The following RPH3AL variants were observed in gnomAD, a reference collection of about 807,000 sequenced individuals.
The protein encoded by RPH3AL is rab effector Noc2.
RPH3AL carries 38 observed loss-of-function variants against 43.1 expected under a neutral mutation model. The observed-to-expected ratio is 0.88, with a 90% confidence interval of 0.68 to 1.15. The LOEUF (loss-of-function observed/expected upper bound fraction) is 1.15. Among genes scored for constraint, RPH3AL ranks in the 50% most tolerant of loss-of-function variants. RPH3AL has a pLI of 0.00. For missense variants in RPH3AL, 462 were observed against 423.2 expected (o/e 1.09, Z -0.81); for synonymous variants, 189 against 176.3 (o/e 1.07, Z -0.57).
rs147783073 is a variant in RPH3AL, at chr17:224,256, C to T, written c.614-4520G>A. The stretch of plus-strand genomic sequence containing the variant: ...CCCAGCTTCACCCTCTTTAAAGGTT[C>T]CCCATGCCCCCAGGACCACACTGGG... On this transcript the variant is annotated intron_variant, in intron 7 of 9. Transcript: ENST00000331302. Among the ~76,000 whole-genome samples, 6 of 143,668 alleles carry T rather than the reference C, an allele frequency of 4.2e-5. No homozygotes were observed. In the South Asian group the frequency reaches 1.0e-3, roughly 25 times the overall value. The allele number at this position is 143,668 out of a possible 152,430, so 94.3% of individuals were successfully genotyped here. A position where few individuals can be genotyped will look rare whatever the true frequency, so the allele number is the denominator to read the frequency against.
intron 3 of RPH3AL, among the ~76,000 whole-genome samples, chr17:325,841 G>T (rs187115350): frequency 6.6e-6 from 1 of 152,270 alleles, no homozygotes; most frequent in African/African-American, 2.4e-5. Context: ...TATCCCTGAG[G>T]GTCCCACGGG....
At chr17:255,969 A>G (rs1376991251) in intron 6 of RPH3AL, among the ~76,000 whole-genome samples, 36 of 44,506 alleles carry the variant, frequency 8.1e-4, no homozygotes, top group Admixed American at 1.6e-3. Context: ...TACCCTACGT[A>G]CTTCCTATGA....
chr17:258,757 G>GTTTTTTTTTTTTTTTTTTTTTTTTTTT (rs372761475), intron 6 of RPH3AL, among the ~76,000 whole-genome samples: 1 of 98,770 alleles, frequency 1.0e-5, no homozygotes, highest in Non-Finnish European at 2.1e-5. Context: ...TAGTCAACCC[G>GTTTTTTTTTTTTTTTTTTTTTTTTTTT]TTTTTTTTTT....
At chr17:321,729 C>T (rs1388754818) in intron 3 of RPH3AL, 14 of 334,288 alleles carry the variant, frequency 4.2e-5, no homozygotes, top group Middle Eastern at 7.8e-4. Context: ...GCCCAGGTGC[C>T]GTGTGCAGGG....
intron 5 of RPH3AL, among the ~76,000 whole-genome samples, chr17:311,669 G>A (rs563517598): frequency 2.0e-5 from 3 of 152,334 alleles, no homozygotes; most frequent in East Asian, 1.9e-4. Context: ...TACGAGTAAC[G>A]AGACAATTAT....
intron 4 of RPH3AL, 26 bp downstream of exon 4, chr17:321,246 C>G (rs906232280): frequency 5.0e-6 from 8 of 1,596,502 alleles, no homozygotes; most frequent in Middle Eastern, 1.7e-4. Context: ...TGTCCTCCCA[C>G]TGAGCTGGCC....
intron 6 of RPH3AL, among the ~76,000 whole-genome samples, chr17:272,958 ACG>A (rs2042520230): frequency 4.1e-4 from 17 of 41,456 alleles, no homozygotes; most frequent in Admixed American, 2.4e-3. Context: ...AGCAAGGGCT[ACG>A]TCAGGGTGAG....
chr17:238,868 C>T (rs886959024), intron 7 of RPH3AL, among the ~76,000 whole-genome samples: 3 of 152,218 alleles, frequency 2.0e-5, no homozygotes, highest in Admixed American at 2.0e-4. Context: ...CCGCCATTTA[C>T]ACCTCATATA....
intron 7 of RPH3AL, among the ~76,000 whole-genome samples, chr17:228,700 C>T (rs1403564260): frequency 2.6e-5 from 4 of 152,158 alleles, no homozygotes; most frequent in African/African-American, 9.7e-5. Flanking sequence ...TTGCCAGACA[C>T]CCCGCTTTTC....
intron 1 of RPH3AL, among the ~76,000 whole-genome samples, chr17:345,541 C>T (rs562600351): frequency 3.0e-5 from 4 of 134,986 alleles, no homozygotes; most frequent in African/African-American, 1.0e-4. Flanking sequence ...CCAGGACTGG[C>T]TAGAGAACTG....
chr17:243,018 A>G (rs2041610063), intron 7 of RPH3AL, among the ~76,000 whole-genome samples: 1 of 118,998 alleles, frequency 8.4e-6, no homozygotes, highest in South Asian at 3.1e-4. Flanking sequence ...TCCTCTATTG[A>G]ATACCTTCCT....
intron 1 of RPH3AL, among the ~76,000 whole-genome samples, chr17:350,768 C>T (rs3934764): frequency 0.04 from 6,039 of 152,252 alleles, 337 homozygotes; most frequent in East Asian, 0.29. Flanking sequence ...AACTGTGACC[C>T]TCTGACCGCA....
At chr17:280,778 G>C (rs1413528085) in intron 6 of RPH3AL, among the ~76,000 whole-genome samples, 1 of 152,192 alleles carries the variant, frequency 6.6e-6, no homozygotes, top group Admixed American at 6.5e-5. Context: ...GAGCAGTTGG[G>C]AGCTGTGGGG....
At chr17:277,336 T>C (rs143329285) in intron 6 of RPH3AL, among the ~76,000 whole-genome samples, 73 of 152,202 alleles carry the variant, frequency 4.8e-4, no homozygotes, top group African/African-American at 1.7e-3. Flanking sequence ...TGATTCTGGA[T>C]TTTTGGAAGG....
chr17:337,113 G>C (rs1015017053), intron 1 of RPH3AL, among the ~76,000 whole-genome samples: 1 of 95,610 alleles, frequency 1.0e-5, no homozygotes, highest in Non-Finnish European at 2.2e-5. Flanking sequence ...CATCGGTTAC[G>C]CACCAATAAT....
intron 6 of RPH3AL, among the ~76,000 whole-genome samples, chr17:251,976 CTT>C (rs56752848): frequency 1.5e-3 from 201 of 134,696 alleles, no homozygotes; most frequent in Middle Eastern, 7.4e-3. Context: ...TTTTTTTTTA[CTT>C]TTTTTTTTTT....
At chr17:348,236 G>C (rs1247220388) in intron 1 of RPH3AL, among the ~76,000 whole-genome samples, 1 of 152,296 alleles carries the variant, frequency 6.6e-6, no homozygotes, top group East Asian at 1.9e-4. Flanking sequence ...ATTTGGGCGT[G>C]GAACAGGAAG....
chr17:240,824 C>T (rs1279620692), intron 7 of RPH3AL, among the ~76,000 whole-genome samples: 2 of 152,094 alleles, frequency 1.3e-5, no homozygotes, highest in Non-Finnish European at 2.9e-5. Flanking sequence ...ATTTGGGAGG[C>T]CAAGGCGGGA....
Position 300,060 on chromosome 17 carries a change from T to C in RPH3AL, c.352-18206A>G, listed in dbSNP as rs1259145242. 1.7e-3 allele frequency among the ~76,000 whole-genome samples: 85 copies of C among 49,320 alleles called. 2 individuals carry two copies. Among genetic ancestry groups the C allele is most frequent in the African/African-American group, 7.0e-3 (79 of 11,354 alleles). The allele number at this position is 49,320 out of a possible 152,430, so 32.4% of individuals were successfully genotyped here. Reference sequence around the variant, plus strand: ...AGAAGGGGCTGGCCCAGCCTAGGCCTGCAGAATCTCTCACCCACTCTAGCA... The same window carrying C: ...AGAAGGGGCTGGCCCAGCCTAGGCCCGCAGAATCTCTCACCCACTCTAGCA... On this transcript the variant is annotated intron_variant, in intron 5 of 9. Transcript: ENST00000331302.
Sources: allele counts gnomAD v4.1 joint callset (sites outside exome capture counted in the v4.1 genomes callset), GRCh38; gene constraint gnomAD v4.1.1; transcripts MANE v1.5; gene names NCBI Gene and HGNC (gene_info 2026-07-23, HGNC 2026-07-21).